The following PIK3AP1 variants were observed in gnomAD, a reference collection of about 807,000 sequenced individuals.
PIK3AP1 encodes the protein phosphoinositide 3-kinase adapter protein 1.
Under a neutral mutation model 88.1 loss-of-function variants are expected in PIK3AP1, and 21 were observed. The observed-to-expected ratio is 0.24, with a 90% CI of 0.17 to 0.34. PIK3AP1 has a LOEUF of 0.34. Ranked by LOEUF, PIK3AP1 falls within the 10% of genes least tolerant of loss-of-function variation. PIK3AP1 has a pLI of 1.00. For missense variants in PIK3AP1, 828 were observed against 1,035.7 expected, an observed-to-expected ratio of 0.80 and a Z score of 2.75; for synonymous variants, 398 against 400.0, an observed-to-expected ratio of 1.00 and a Z score of 0.06.
rs1843059517 is a variant in PIK3AP1 at position 96,620,378 on chromosome 10, G to A, written c.1915C>T (p.Arg639Ter). ...TGCTGGAAACGAAAGGACTCCGATC[G>A]TTTCTTCTGGTTGAGCTGCCACTCT... ...FKEWQLNQKK[R>*]SESFRFQQEN... is the part of the protein sequence containing the mutation. Residue 639 changes from arginine (R) to a stop codon, truncating the protein, a stop_gained, in exon 12 of 17, where the codon CGA (arginine) becomes TGA (stop). Coordinates refer to ENST00000339364, the MANE Select transcript of PIK3AP1 (RefSeq NM_152309.3). LOFTEE classifies it high-confidence loss of function. 6.2e-7 allele frequency: 1 copy of A among 1,614,114 alleles called. No individual in the cohort carries two copies.
rs149194485 is a variant in PIK3AP1 at position 96,633,571 on chromosome 10, A to G, written c.1376-5078T>C. The stretch of plus-strand genomic sequence containing the variant: ...AGGAATGCTAGCTACTATTATTACT[A>G]TTATTATTATTTTTATTGTTAAATT... On this transcript the variant is annotated intron_variant, in intron 8 of 16. Coordinates refer to ENST00000339364, the MANE Select transcript of PIK3AP1 (RefSeq NM_152309.3). 2.8e-3 allele frequency among the ~76,000 whole-genome samples: 431 copies of G among 152,310 alleles called. 2 individuals are homozygous for G. The highest frequency in any genetic ancestry group is 4.4e-3 in the Non-Finnish European group (302 of 68,030).
In PIK3AP1 at chr10:96,609,795, C is replaced by T. The variant is rs1261077605; in HGVS notation, c.2087G>A (p.Ser696Asn). 6.2e-7 allele frequency: 1 copy of T among 1,614,162 alleles called. No homozygotes were observed. Among genetic ancestry groups the T allele is most frequent in the Non-Finnish European group, 8.5e-7 (1 of 1,179,986 alleles). The change falls in exon 14 of 17, where the codon AGT becomes AAT. Residue 696 changes from serine (S) to asparagine (N), a missense_variant. Ser to Asn is a conservative substitution (Grantham distance 46). This residue lies in a region of PIK3AP1 where 191 missense variants were observed against 208.6 expected (regional missense o/e 0.92). Transcript: ENST00000339364. ...PAKVEFGVYESGPRKSVIPPR... is the reference protein window; with the variant it reads ...PAKVEFGVYENGPRKSVIPPR... ...GGGAATGACACTTTTCCTGGGGCCACTCTCATAGACTCCAAACTCCACTTT... is the reference window on the plus strand; with the variant it reads ...GGGAATGACACTTTTCCTGGGGCCATTCTCATAGACTCCAAACTCCACTTT...
At chr10:96,668,924 G>A (rs548093272) in intron 2 of PIK3AP1, among the ~76,000 whole-genome samples, 3 of 152,280 alleles carry the variant, frequency 2.0e-5, no homozygotes, top group Non-Finnish European at 4.4e-5. Context: ...GAGGTCAGGA[G>A]TTTGAGACTA....
At chr10:96,679,108 A>T (rs1451626370) in intron 2 of PIK3AP1, among the ~76,000 whole-genome samples, 1 of 152,188 alleles carries the variant, frequency 6.6e-6, no homozygotes, top group Non-Finnish European at 1.5e-5. Context: ...ATTTGAAAGA[A>T]CCTGAAGAAT....
intron 13 of PIK3AP1, among the ~76,000 whole-genome samples, chr10:96,612,974 ATATATATATTTTTTTTTTTTTTTTT>A (rs1202948392): frequency 1.6e-4 from 14 of 84,870 alleles, no homozygotes; most frequent in African/African-American, 2.4e-4. Flanking sequence ...ATATATATAT[ATATATATATTTTTTTTTTTTTTTTT>A]TTTTTTTTTT....
intron 2 of PIK3AP1, among the ~76,000 whole-genome samples, chr10:96,689,462 C>T (rs999847643): frequency 1.3e-5 from 2 of 150,160 alleles, no homozygotes; most frequent in African/African-American, 4.9e-5. Flanking sequence ...CCCAGCTACT[C>T]AGGAGGCCGA....
intron 11 of PIK3AP1, among the ~76,000 whole-genome samples, chr10:96,622,458 A>T (rs1843097661): frequency 6.6e-6 from 1 of 152,226 alleles, no homozygotes; most frequent in African/African-American, 2.4e-5. Context: ...ACTCAGGGAC[A>T]TAACATGAAG....
At chr10:96,602,460 CAACCGT>C in intron 15 of PIK3AP1, 62 bp from the exon 16 acceptor site, 1 of 1,411,008 alleles carries the variant, frequency 7.1e-7, no homozygotes, top group Non-Finnish European at 1.0e-6. Context: ...CATAGCTGGA[CAACCGT>C]AACTCAAAAG....
intron 7 of PIK3AP1, among the ~76,000 whole-genome samples, chr10:96,648,129 G>A (rs1293101873): frequency 6.6e-6 from 1 of 152,142 alleles, no homozygotes; most frequent in East Asian, 1.9e-4. Context: ...TGCCTTTCCA[G>A]GTGCACAGCT....
intron 1 of PIK3AP1, among the ~76,000 whole-genome samples, chr10:96,710,255 C>T (rs1314105193): frequency 6.6e-6 from 1 of 151,942 alleles, no homozygotes; most frequent in African/African-American, 2.4e-5. Flanking sequence ...CTGAGTCTCG[C>T]TCTATCACCC....
At chr10:96,713,503 TAAAAAAAAAA>T (rs566830672) in intron 1 of PIK3AP1, among the ~76,000 whole-genome samples, 2 of 84,932 alleles carry the variant, frequency 2.4e-5, no homozygotes, top group Non-Finnish European at 4.7e-5. Context: ...GACTCCGTCT[TAAAAAAAAAA>T]AAAAAAAAAA....
rs1333743570 is a variant in PIK3AP1 at position 96,628,260 on chromosome 10, G to GT, written c.1471+137dup. On this transcript the variant is annotated intron_variant, in intron 9 of 16. Transcript: ENST00000339364. ...GGGTAGAGGGGTCGGGGGAGGCAGA[G>GT]TGCCTTTATTCACATCACATGCCAT... The GT allele has an allele frequency of 7.8e-6, 6 of 766,636 alleles. No homozygotes were observed. In the African/African-American group the frequency reaches 1.0e-4, roughly 13 times the overall value. 47.5% of individuals were successfully genotyped at this position (766,636 alleles called of 1,614,324 possible).
At chr10:96,603,869 A>G in intron 15 of PIK3AP1, 110 bp downstream of exon 15, 1 of 990,160 alleles carries the variant, frequency 1.0e-6, no homozygotes, top group Non-Finnish European at 1.4e-6. Context: ...TATAAATGGA[A>G]TCCTATAATA....
intron 1 of PIK3AP1, among the ~76,000 whole-genome samples, chr10:96,718,651 T>C (rs1289488965): frequency 6.6e-6 from 1 of 152,218 alleles, no homozygotes; most frequent in Non-Finnish European, 1.5e-5. Flanking sequence ...CTCGCCTTCC[T>C]AGCTCCTTCG....
chr10:96,673,371 C>G (rs1262004670), intron 2 of PIK3AP1, among the ~76,000 whole-genome samples: 1 of 152,182 alleles, frequency 6.6e-6, no homozygotes, highest in Non-Finnish European at 1.5e-5. Flanking sequence ...CACTATCCAA[C>G]CTGTATCCCA....
chr10:96,650,189 G>C (rs1843517381), intron 6 of PIK3AP1, among the ~76,000 whole-genome samples: 1 of 152,126 alleles, frequency 6.6e-6, no homozygotes, highest in African/African-American at 2.4e-5. Flanking sequence ...TAGGAAAATG[G>C]GGAGAGGCAA....
intron 3 of PIK3AP1, among the ~76,000 whole-genome samples, chr10:96,655,843 G>C (rs1843607252): frequency 6.6e-6 from 1 of 152,204 alleles, no homozygotes; most frequent in Non-Finnish European, 1.5e-5. Flanking sequence ...AGAACAGTAA[G>C]TCCAATTAAA....
intron 2 of PIK3AP1, among the ~76,000 whole-genome samples, chr10:96,683,563 C>T (rs1844030137): frequency 6.6e-6 from 1 of 152,212 alleles, no homozygotes; most frequent in African/African-American, 2.4e-5. Context: ...CATTCCATTG[C>T]TACTTAGAAT....
intron 8 of PIK3AP1, among the ~76,000 whole-genome samples, chr10:96,629,930 A>AAAGAAGAAGAAGAAGAAGAAGAAGAAG (rs61662185): frequency 2.2e-4 from 3 of 13,724 alleles, no homozygotes; most frequent in African/African-American, 5.5e-4. Context: ...AAAAAAAAAA[A>AAAGAAGAAGAAGAAGAAGAAGAAGAAG]AAGAAGAAGA....
Sources: gnomAD v4.1 joint callset for allele counts (sites outside exome capture counted in the v4.1 genomes callset) on GRCh38, gnomAD v4.1.1 for gene constraint, gnomAD v4.1.1 regional missense constraint, MANE v1.5 for transcripts, NCBI Gene and HGNC (gene_info 2026-07-23, HGNC 2026-07-21) for gene names.